Variants in VOPP1 observed in about 807,000 individuals in gnomAD.
VOPP1 encodes the protein VOPP1 WW domain binding protein, also known as WW domain binding protein VOPP1.
VOPP1 carries 8 observed loss-of-function variants against 23.5 expected under a neutral mutation model. The ratio of observed to expected loss-of-function variants is 0.34; its 90% CI spans 0.20 to 0.61. The LOEUF is 0.61. Ranked by LOEUF, VOPP1 falls within the 20% of genes least tolerant of loss-of-function variation. The pLI, the probability that VOPP1 is intolerant of heterozygous loss-of-function variation, is 0.78. For synonymous variants in VOPP1, 83 were observed against 97.3 expected (o/e 0.85, Z 0.86); for missense variants, 174 against 238.1 (o/e 0.73, Z 1.77).
At chr7:55,529,512 A>T (rs1268964192) in intron 1 of VOPP1, among the ~76,000 whole-genome samples, 9 of 152,252 alleles carry the variant, frequency 5.9e-5, no homozygotes, top group Non-Finnish European at 1.3e-4. Flanking sequence ...CTTTTAAAAC[A>T]TAATTATCAA....
intron 2 of VOPP1, among the ~76,000 whole-genome samples, chr7:55,502,979 T>A (rs1794471565): frequency 6.6e-6 from 1 of 152,234 alleles, no homozygotes; most frequent in Non-Finnish European, 1.5e-5. Flanking sequence ...GTCCTGAGAC[T>A]CTGAAATACA....
In VOPP1 at chr7:55,490,789, T is replaced by C. The variant is rs571874105; in HGVS notation, c.328+1493A>G. ...TCCACTTACGGATTCAAAATGGTAC[T>C]AACCTGACTGTAAGTTTAAGGCACA... On this transcript the variant is annotated intron_variant, in intron 4 of 4. Transcript: ENST00000285279. 3.2e-4 allele frequency among the ~76,000 whole-genome samples: 49 copies of C among 152,350 alleles called. 1 individual carries two copies. In the South Asian group the frequency reaches 9.9e-3, roughly 31 times the overall value.
intron 1 of VOPP1, among the ~76,000 whole-genome samples, chr7:55,539,996 C>T (rs971888852): frequency 6.6e-6 from 1 of 151,062 alleles, no homozygotes; most frequent in Non-Finnish European, 1.5e-5. Context: ...AGATAATCCC[C>T]AACTTAGGGA....
chr7:55,499,709 C>T (rs1464952814), intron 2 of VOPP1, among the ~76,000 whole-genome samples: 1 of 152,178 alleles, frequency 6.6e-6, no homozygotes, highest in South Asian at 2.1e-4. Flanking sequence ...GGAATCCAGT[C>T]TGCCAATGAG....
intron 1 of VOPP1, among the ~76,000 whole-genome samples, chr7:55,529,672 C>T (rs1404105947): frequency 6.6e-6 from 1 of 152,130 alleles, no homozygotes; most frequent in Non-Finnish European, 1.5e-5. Context: ...GCCTCCAACA[C>T]CCCAATCCAG....
At chr7:55,506,345 C>T (rs1794720382) in intron 2 of VOPP1, among the ~76,000 whole-genome samples, 1 of 152,208 alleles carries the variant, frequency 6.6e-6, no homozygotes, top group Non-Finnish European at 1.5e-5. Context: ...TACTCATCAC[C>T]ATTTTTTGAG....
At chr7:55,570,828 GCT>G (rs1215815924) in intron 1 of VOPP1, among the ~76,000 whole-genome samples, 1 of 151,932 alleles carries the variant, frequency 6.6e-6, no homozygotes, top group African/African-American at 2.4e-5. Context: ...TGTAGTCCCC[GCT>G]ACTGGGGAGG....
At chr7:55,558,048 C>T (rs748036458) in intron 1 of VOPP1, among the ~76,000 whole-genome samples, 8 of 152,180 alleles carry the variant, frequency 5.3e-5, no homozygotes, top group East Asian at 3.9e-4. Flanking sequence ...AATGGCGTTG[C>T]GTGGGGTTGG....
intron 4 of VOPP1, among the ~76,000 whole-genome samples, chr7:55,465,090 C>A (rs1791600774): frequency 6.6e-6 from 1 of 152,204 alleles, no homozygotes; most frequent in South Asian, 2.1e-4. Flanking sequence ...TTCCCTGTCA[C>A]TTCTCTGATG....
At chr7:55,565,808 C>T (rs1798145522) in intron 1 of VOPP1, among the ~76,000 whole-genome samples, 3 of 152,010 alleles carry the variant, frequency 2.0e-5, no homozygotes, top group Admixed American at 1.3e-4. Flanking sequence ...ATGACAAGGG[C>T]CAAAGGTTTT....
intron 4 of VOPP1, among the ~76,000 whole-genome samples, chr7:55,459,693 T>C (rs532833134): frequency 3.9e-5 from 6 of 152,330 alleles, no homozygotes; most frequent in African/African-American, 1.4e-4. Flanking sequence ...ATCCTTTGTG[T>C]TTCTGTGGTA....
At chr7:55,507,610 AT>A (rs971830151) in intron 2 of VOPP1, among the ~76,000 whole-genome samples, 15 of 152,176 alleles carry the variant, frequency 9.9e-5, no homozygotes, top group African/African-American at 3.6e-4. Context: ...CAAACACAAG[AT>A]TTTAGACCAT....
At chr7:55,486,980 C>G (rs542295882) in intron 4 of VOPP1, among the ~76,000 whole-genome samples, 10 of 152,108 alleles carry the variant, frequency 6.6e-5, no homozygotes, top group African/African-American at 2.4e-4. Context: ...GGCTGGAGAC[C>G]GGGGAGAGGT....
intron 1 of VOPP1, chr7:55,561,848 T>G (rs1798000248): frequency 1.6e-6 from 1 of 637,770 alleles, no homozygotes; most frequent in Non-Finnish European, 2.9e-6. Context: ...GGGACTTAAC[T>G]CATACCCAAG....
intron 4 of VOPP1, among the ~76,000 whole-genome samples, chr7:55,474,291 C>A (rs1374230925): frequency 6.6e-6 from 1 of 152,236 alleles, no homozygotes; most frequent in Non-Finnish European, 1.5e-5. Context: ...CGACTTACTG[C>A]CATTACCATG....
At chr7:55,459,238 A>G (rs954626595) in intron 4 of VOPP1, among the ~76,000 whole-genome samples, 1 of 152,058 alleles carries the variant, frequency 6.6e-6, no homozygotes, top group Non-Finnish European at 1.5e-5. Flanking sequence ...TGACCATAGT[A>G]TATTATCTTT....
chr7:55,440,465 G>A (rs538271239), intron 4 of VOPP1, among the ~76,000 whole-genome samples: 1 of 152,338 alleles, frequency 6.6e-6, no homozygotes, highest in Non-Finnish European at 1.5e-5. Flanking sequence ...GCCTGCCTTT[G>A]AGTCAGCCTC....
At chr7:55,531,083 A>G (rs947655404) in intron 1 of VOPP1, among the ~76,000 whole-genome samples, 2 of 152,264 alleles carry the variant, frequency 1.3e-5, no homozygotes, top group Non-Finnish European at 2.9e-5. Flanking sequence ...GCACAGAACT[A>G]TATAAAATGA....
intron 2 of VOPP1, among the ~76,000 whole-genome samples, chr7:55,518,550 G>C (rs1795625757): frequency 6.6e-6 from 1 of 152,184 alleles, no homozygotes; most frequent in Non-Finnish European, 1.5e-5. Context: ...AACTTTTATG[G>C]GGACAGGGAA....
Sources: gnomAD v4.1 joint callset for allele counts (sites outside exome capture counted in the v4.1 genomes callset) on GRCh38, gnomAD v4.1.1 for gene constraint, MANE v1.5 for transcripts, NCBI Gene and HGNC (gene_info 2026-07-23, HGNC 2026-07-21) for gene names.